The following MACO1 variants were observed in gnomAD, a reference collection of about 807,000 sequenced individuals.
MACO1 encodes macoilin.
In MACO1, 14 loss-of-function variants were observed where a neutral mutation model predicts 78.7. The ratio of observed to expected loss-of-function variants is 0.18; its 90% CI spans 0.12 to 0.28. MACO1 has a LOEUF of 0.28. Ranked by LOEUF, MACO1 falls within the 10% of genes least tolerant of loss-of-function variation. MACO1 has a pLI of 1.00. For synonymous variants in MACO1, 288 were observed against 291.6 expected, an observed-to-expected ratio of 0.99 and a Z score of 0.12; for missense variants, 501 against 799.0, an observed-to-expected ratio of 0.63 and a Z score of 4.50.
At chr1:25,468,605 C>T (rs2043239331) in intron 6 of MACO1, among the ~76,000 whole-genome samples, 1 of 152,146 alleles carries the variant, frequency 6.6e-6, no homozygotes, top group African/African-American at 2.4e-5. Flanking sequence ...TTATTCCGCT[C>T]CAAATTCATT....
At chr1:25,433,352 G>T (rs61320679) in intron 1 of MACO1, among the ~76,000 whole-genome samples, 2,059 of 152,122 alleles carry the variant, frequency 0.014, 53 homozygotes, top group African/African-American at 0.047. Context: ...GAGTGGACTG[G>T]TTATAAACTA....
At chr1:25,478,694 A>C (rs2043344359) in intron 6 of MACO1, among the ~76,000 whole-genome samples, 1 of 152,242 alleles carries the variant, frequency 6.6e-6, no homozygotes, top group African/African-American at 2.4e-5. Flanking sequence ...CAGTAAAGTG[A>C]GTAGGAAAAG....
chr1:25,458,781 G>A lies in MACO1; in HGVS notation c.1043G>A (p.Ser348Asn). The A allele has an allele frequency of 6.2e-7, 1 of 1,614,110 alleles. No homozygotes were observed. The highest frequency in any genetic ancestry group is 8.5e-7 in the Non-Finnish European group (1 of 1,180,020). The change falls in exon 6 of 11, where the codon AGT (serine) becomes AAT (asparagine). Residue 348 changes from serine to asparagine, a missense_variant. By Grantham distance (46) the Ser-to-Asn change is conservative (BLOSUM62 1). Around this residue, in one of 5 missense-constraint regions of MACO1, gnomAD observed 163 missense variants for 271.9 expected, o/e 0.60. Coordinates refer to ENST00000374343, the MANE Select transcript of MACO1 (RefSeq NM_018202.6). ...AATGGGAGCATTCCTTCCTCATCTA[G>A]TAAAAATGAGAAGAAGCAGAAATGC... ...ATNGSIPSSS[S>N]KNEKKQKCTS...
chr1:25,446,815 A>T lies in MACO1; in HGVS notation c.134A>T (p.Asp45Val). The T allele has an allele frequency of 6.2e-7, 1 of 1,613,830 alleles. No homozygotes were observed. The highest frequency in any genetic ancestry group is 8.5e-7 in the Non-Finnish European group (1 of 1,179,912). The change falls in exon 2 of 11, where the codon GAT (aspartate) becomes GTT (valine). Residue 45 changes from aspartate to valine, a missense_variant. Coordinates refer to ENST00000374343, the MANE Select transcript of MACO1 (RefSeq NM_018202.6). ...GTGTGGGCACTTGTCCTCCTAGCAG[A>T]TTTTGTCCTGGAGTTCAGATTTGAA... ...LVVWALVLLA[D>V]FVLEFRFEYL...
chr1:25,463,193 G>C (rs2043186914), intron 6 of MACO1, among the ~76,000 whole-genome samples: 1 of 152,302 alleles, frequency 6.6e-6, no homozygotes, highest in Non-Finnish European at 1.5e-5. Context: ...AAAATAGAGT[G>C]CTTAGTGAAT....
Position 25,489,263 on chromosome 1 carries a change from C to G in MACO1, c.1587C>G (p.Asp529Glu). 2.5e-6 allele frequency: 4 copies of G among 1,613,932 alleles called. No homozygotes were observed. The South Asian group carries it at 4.4e-5, about 18-fold the overall frequency. Residue 529 changes from aspartate (D) to glutamate (E), a missense_variant, in exon 9 of 11, where the codon GAC becomes GAG. Asp to Glu is a conservative substitution (Grantham distance 45). Transcript: ENST00000374343. Reference protein sequence around the residue: ...KLTMDMKVKEDQIRELELKVQ... With the variant: ...KLTMDMKVKEEQIRELELKVQ... ...CGATGGACATGAAGGTGAAAGAAGA[C>G]CAAATCAGAGAACTAGAACTAAAAG... is the stretch of plus-strand genomic sequence containing the variant.
At chr1:25,494,213 C>T (rs1176214716) in intron 10 of MACO1, among the ~76,000 whole-genome samples, 1 of 152,032 alleles carries the variant, frequency 6.6e-6, no homozygotes, top group Admixed American at 6.5e-5. Context: ...GAATTGCTGA[C>T]CTAGGGTGAG....
intron 10 of MACO1, among the ~76,000 whole-genome samples, chr1:25,493,692 C>G (rs1405306803): frequency 6.9e-6 from 1 of 143,994 alleles, no homozygotes; most frequent in East Asian, 2.0e-4. Context: ...TAGCAGATCT[C>G]TTTAATGTCT....
rs886279658 is a variant in MACO1 at position 25,465,382 on chromosome 1, T to C, written c.1154+6490T>C. The stretch of plus-strand genomic sequence containing the variant: ...TTATAAGAAACTGCCACAATGTCTT[T>C]GACAGTGGCTATACCATTTTGCATT... On this transcript the variant is annotated intron_variant, in intron 6 of 10. Coordinates refer to ENST00000374343, the MANE Select transcript of MACO1 (RefSeq NM_018202.6). 8.5e-5 allele frequency among the ~76,000 whole-genome samples: 13 copies of C among 152,348 alleles called. No homozygotes were observed. In the East Asian group the frequency reaches 1.5e-3, roughly 18 times the overall value.
At chr1:25,482,586 A>C (rs929571400) in intron 6 of MACO1, among the ~76,000 whole-genome samples, 3 of 152,048 alleles carry the variant, frequency 2.0e-5, no homozygotes, top group Non-Finnish European at 2.9e-5. Flanking sequence ...ATCCTATCCA[A>C]ACATCAGGGC....
intron 6 of MACO1, among the ~76,000 whole-genome samples, chr1:25,465,931 A>G (rs1305462906): frequency 1.3e-5 from 2 of 152,222 alleles, no homozygotes; most frequent in Non-Finnish European, 2.9e-5. Flanking sequence ...TGTTGCTGCA[A>G]AAGACATAAT....
chr1:25,469,062 C>T (rs555597304), intron 6 of MACO1, among the ~76,000 whole-genome samples: 20 of 149,530 alleles, frequency 1.3e-4, no homozygotes, highest in East Asian at 8.2e-4. Context: ...AGGCTGGTCT[C>T]GAGCTCCTGA....
Position 25,430,949 on chromosome 1 carries a change from G to C in MACO1, c.-150G>C. 2.2e-6 allele frequency: 1 copy of C among 460,770 alleles called. No homozygotes were observed. Among genetic ancestry groups the C allele is most frequent in the Non-Finnish European group, 3.9e-6 (1 of 258,636 alleles). The allele number at this position is 460,770 out of a possible 1,614,324, so 28.5% of individuals were successfully genotyped here. Reference sequence around the variant, plus strand: ...GAGGCTCCGAGCCCCCCCTCCCCGTGCTACCCCCTCCCCCCGGGTGCTGGC... The same window carrying C: ...GAGGCTCCGAGCCCCCCCTCCCCGTCCTACCCCCTCCCCCCGGGTGCTGGC... On this transcript the variant is annotated 5_prime_UTR_variant, in exon 1 of 11. Coordinates refer to ENST00000374343, the MANE Select transcript of MACO1 (RefSeq NM_018202.6).
intron 6 of MACO1, among the ~76,000 whole-genome samples, chr1:25,479,551 A>C (rs2043352455): frequency 6.6e-6 from 1 of 152,090 alleles, no homozygotes; most frequent in Non-Finnish European, 1.5e-5. Flanking sequence ...GGTAGCTGGA[A>C]CTACAGGCAC....
chr1:25,469,671 C>G (rs947341920), intron 6 of MACO1, among the ~76,000 whole-genome samples: 13 of 140,122 alleles, frequency 9.3e-5, no homozygotes, highest in Admixed American at 6.0e-4. Context: ...GAGTCCTGCT[C>G]TGTCACCCAG....
intron 6 of MACO1, among the ~76,000 whole-genome samples, chr1:25,474,220 T>C (rs527995505): frequency 6.6e-6 from 1 of 152,314 alleles, no homozygotes; most frequent in South Asian, 2.1e-4. Flanking sequence ...TGAAAATATC[T>C]TTACGTGAAA....
intron 5 of MACO1, among the ~76,000 whole-genome samples, chr1:25,457,603 TA>T (rs2043132583): frequency 6.6e-6 from 1 of 152,216 alleles, no homozygotes; most frequent in South Asian, 2.1e-4. Context: ...ATGCTTCATA[TA>T]ATGTAATGCA....
intron 6 of MACO1, among the ~76,000 whole-genome samples, chr1:25,464,448 G>A (rs1475436733): frequency 2.1e-5 from 3 of 142,348 alleles, no homozygotes; most frequent in African/African-American, 7.8e-5. Context: ...AGGTTCAAGC[G>A]ATTCTCCTGC....
chr1:25,465,332 T>G (rs2124592424), intron 6 of MACO1, among the ~76,000 whole-genome samples: 1 of 152,338 alleles, frequency 6.6e-6, no homozygotes, highest in African/African-American at 2.4e-5. Flanking sequence ...AGGAGCACAG[T>G]TGCTGGATCA....
Sources: gnomAD v4.1 joint callset for allele counts (sites outside exome capture counted in the v4.1 genomes callset) on GRCh38, gnomAD v4.1.1 for gene constraint, gnomAD v4.1.1 regional missense constraint, MANE v1.5 for transcripts, NCBI Gene and HGNC (gene_info 2026-07-23, HGNC 2026-07-21) for gene names.